BICD1: variants seen among roughly 807,000 people sequenced by gnomAD.
BICD1 encodes the protein BICD cargo adaptor 1, also known as protein bicaudal D homolog 1.
In BICD1, 35 loss-of-function variants were observed where a neutral mutation model predicts 92.5. That is an observed-to-expected ratio of 0.38 (90% CI 0.29 to 0.50). The LOEUF (loss-of-function observed/expected upper bound fraction) is 0.50, where lower values mean the gene tolerates loss of function less well. Ranked by LOEUF, BICD1 falls within the 20% of genes least tolerant of loss-of-function variation. The probability of loss-of-function intolerance (pLI) is 0.93; values close to 1 mark genes in which losing one functional copy is unlikely to be tolerated. For synonymous variants in BICD1, 429 were observed against 465.1 expected (o/e 0.92, Z 1.00); for missense variants, 950 against 1,189.8 (o/e 0.80, Z 2.97).
intron 4 of BICD1, among the ~76,000 whole-genome samples, chr12:32,306,870 G>A (rs372639471): frequency 5.7e-5 from 8 of 140,028 alleles, no homozygotes; most frequent in African/African-American, 1.3e-4. Context: ...CAAAAAATTA[G>A]CTGGACGTGG....
intron 1 of BICD1, among the ~76,000 whole-genome samples, chr12:32,133,949 T>G (rs11051809): frequency 0.11 from 16,360 of 151,860 alleles, 1,160 homozygotes; most frequent in East Asian, 0.32. Context: ...GCCTGGCTAA[T>G]TTTTTGTATT....
chr12:32,191,044 A>G (rs1944548798), intron 1 of BICD1, among the ~76,000 whole-genome samples: 1 of 152,240 alleles, frequency 6.6e-6, no homozygotes, highest in Non-Finnish European at 1.5e-5. Context: ...GGCAAATGCA[A>G]ATGGATACAC....
At chr12:32,122,244 A>C (rs999138236) in intron 1 of BICD1, among the ~76,000 whole-genome samples, 6 of 151,610 alleles carry the variant, frequency 4.0e-5, no homozygotes, top group Non-Finnish European at 7.4e-5. Flanking sequence ...CAGGAAATCG[A>C]GACCATCCTA....
At chr12:32,146,094 C>T (rs1943092196) in intron 1 of BICD1, among the ~76,000 whole-genome samples, 1 of 152,232 alleles carries the variant, frequency 6.6e-6, no homozygotes, top group African/African-American at 2.4e-5. Context: ...TGAACAAAGG[C>T]TCTCTCAGAA....
At chr12:32,113,203 G>A (rs1469797350) in intron 1 of BICD1, among the ~76,000 whole-genome samples, 3 of 152,146 alleles carry the variant, frequency 2.0e-5, no homozygotes, top group African/African-American at 7.2e-5. Context: ...GAGGGGGCAC[G>A]TCTAAGAGCT....
rs1025969844 is a variant in BICD1, at chr12:32,381,232, G to A, written c.*3605G>A. The A allele has an allele frequency of 6.6e-6, 1 of 151,738 alleles. No homozygotes were observed. The highest frequency in any genetic ancestry group is 2.4e-5 in the African/African-American group (1 of 41,316). The allele number at this position is 151,738 out of a possible 1,614,324, so 9.4% of individuals were successfully genotyped here. A position where few individuals can be genotyped will look rare whatever the true frequency, so the allele number is the denominator to read the frequency against. ...ATTTTTTCTTTCAGCTATATTCCAT[G>A]GTATCTTTAAAATTGTTCAGAATAT... On this transcript the variant is annotated 3_prime_UTR_variant, in exon 10 of 10. Coordinates refer to ENST00000652176, the MANE Select transcript of BICD1 (RefSeq NM_001714.4).
intron 2 of BICD1, among the ~76,000 whole-genome samples, chr12:32,256,489 G>A (rs1193211962): frequency 2.6e-5 from 4 of 152,240 alleles, no homozygotes; most frequent in Non-Finnish European, 5.9e-5. Flanking sequence ...ACAGGAAAGT[G>A]ATAGAGCTGA....
intron 8 of BICD1, among the ~76,000 whole-genome samples, chr12:32,343,970 T>C (rs1278556337): frequency 6.6e-6 from 1 of 152,244 alleles, no homozygotes; most frequent in African/African-American, 2.4e-5. Flanking sequence ...ATCACATTTA[T>C]TTCATTAATC....
intron 1 of BICD1, among the ~76,000 whole-genome samples, chr12:32,199,486 T>A (rs867444075): frequency 6.6e-6 from 1 of 152,100 alleles, no homozygotes. Flanking sequence ...GCAGATGAAC[T>A]GGGGAGGAAG....
intron 1 of BICD1, among the ~76,000 whole-genome samples, chr12:32,196,251 T>TA (rs1304761214): frequency 6.6e-6 from 1 of 152,086 alleles, no homozygotes; most frequent in Non-Finnish European, 1.5e-5. Flanking sequence ...TTCCAAAATT[T>TA]AAAAAAAGAG....
At chr12:32,229,445 G>A (rs1945804016) in intron 2 of BICD1, among the ~76,000 whole-genome samples, 1 of 152,074 alleles carries the variant, frequency 6.6e-6, no homozygotes, top group Non-Finnish European at 1.5e-5. Flanking sequence ...ATAGTAGTGA[G>A]GTAGAAAGAA....
chr12:32,270,119 TAAAAAAAAAAAAAAAA>T (rs34843444), intron 2 of BICD1, among the ~76,000 whole-genome samples: 466 of 128,860 alleles, frequency 3.6e-3, no homozygotes, highest in East Asian at 8.1e-3. Context: ...AGACTCCCTC[TAAAAAAAAAAAAAAAA>T]ATTATTATTA....
chr12:32,230,725 T>C (rs949480841), intron 2 of BICD1, among the ~76,000 whole-genome samples: 9 of 152,264 alleles, frequency 5.9e-5, no homozygotes, highest in Admixed American at 5.2e-4. Flanking sequence ...TCACCTCACT[T>C]TCCAGCCATG....
At chr12:32,275,676 CCGCCGCTGATTCCCAT>C (rs1284209917) in intron 2 of BICD1, among the ~76,000 whole-genome samples, 1 of 152,006 alleles carries the variant, frequency 6.6e-6, no homozygotes, top group African/African-American at 2.4e-5. Context: ...TGTCGCAGAC[CCGCCGCTGATTCCCAT>C]CGCCGCTGAC....
intron 2 of BICD1, among the ~76,000 whole-genome samples, chr12:32,253,467 G>A (rs982116940): frequency 2.6e-5 from 4 of 151,370 alleles, no homozygotes; most frequent in African/African-American, 9.7e-5. Context: ...TTGATGATAA[G>A]AGCTCAAGAA....
At chr12:32,294,318 A>G (rs559873818) in intron 3 of BICD1, among the ~76,000 whole-genome samples, 172 bp downstream of exon 3, 1 of 152,346 alleles carries the variant, frequency 6.6e-6, no homozygotes, top group Admixed American at 6.5e-5. Flanking sequence ...ATAGAAGGAA[A>G]AAATACACCT....
At chr12:32,225,880 C>T (rs369872418) in intron 2 of BICD1, among the ~76,000 whole-genome samples, 1 of 152,092 alleles carries the variant, frequency 6.6e-6, no homozygotes, top group Admixed American at 6.5e-5. Flanking sequence ...CCTCGGCCTC[C>T]CAAAATGCTG....
intron 5 of BICD1, among the ~76,000 whole-genome samples, chr12:32,329,613 A>G (rs1308711553): frequency 6.6e-6 from 1 of 152,198 alleles, no homozygotes. Flanking sequence ...GAGAGAGTAT[A>G]AGAATGAGCT....
At chr12:32,350,494 A>G (rs990241491) in intron 8 of BICD1, among the ~76,000 whole-genome samples, 1 of 152,150 alleles carries the variant, frequency 6.6e-6, no homozygotes, top group African/African-American at 2.4e-5. Context: ...AAAGAAAGAA[A>G]TGATGTAGTG....
Sources: gnomAD v4.1 joint callset for allele counts (sites outside exome capture counted in the v4.1 genomes callset) on GRCh38, gnomAD v4.1.1 for gene constraint, MANE v1.5 for transcripts, NCBI Gene and HGNC (gene_info 2026-07-23, HGNC 2026-07-21) for gene names.